The following SORBS3 variants were observed in gnomAD, a reference collection of about 807,000 sequenced individuals.
SORBS3 encodes the protein vinexin.
In SORBS3, 69 loss-of-function variants were observed where a neutral mutation model predicts 98.0. The ratio of observed to expected loss-of-function variants is 0.70; its 90% CI spans 0.58 to 0.86. The LOEUF (loss-of-function observed/expected upper bound fraction) is 0.86, where lower values mean the gene tolerates loss of function less well. SORBS3 is among the 40% of genes least tolerant of loss of function. The probability of loss-of-function intolerance (pLI) is 0.00; values close to 1 mark genes in which losing one functional copy is unlikely to be tolerated. For missense variants in SORBS3, 954 were observed against 908.5 expected (o/e 1.05, Z -0.64); for synonymous variants, 394 against 355.4 (o/e 1.11, Z -1.22).
intron 7 of SORBS3, among the ~76,000 whole-genome samples, chr8:22,562,159 T>A (rs1840310916): frequency 6.6e-6 from 1 of 152,208 alleles, no homozygotes; most frequent in African/African-American, 2.4e-5. Context: ...AGAGTGGACC[T>A]GGCACCCGCT....
rs974623859 is a variant in SORBS3, at chr8:22,574,576, C to A, written c.1955-91C>A. 1.3e-5 allele frequency: 17 copies of A among 1,314,670 alleles called. No homozygotes were observed. The African/African-American group carries it at 2.1e-4, about 16-fold the overall frequency. The allele number at this position is 1,314,670 out of a possible 1,614,324, so 81.4% of individuals were successfully genotyped here. On this transcript the variant is annotated intron_variant, in intron 20 of 20. Transcript: ENST00000240123. ...TCCCCTACAGAACTCCCCTACAGTT[C>A]TGGGCACTGCCGGCAGGGGGCAGGC...
At chr8:22,569,787 G>C (rs760274437) in intron 17 of SORBS3, among the ~76,000 whole-genome samples, 1 of 151,818 alleles carries the variant, frequency 6.6e-6, no homozygotes, top group Non-Finnish European at 1.5e-5. Context: ...TGCCCGGGCT[G>C]ACCTTGAACT....
chr8:22,554,760 CG>C lies in SORBS3; in HGVS notation c.103-100del. 1 of 1,370,898 alleles carries C rather than the reference CG, an allele frequency of 7.3e-7. No individual in the cohort carries two copies. The highest frequency in any genetic ancestry group is 1.0e-6 in the Non-Finnish European group (1 of 1,004,960). The allele number at this position is 1,370,898 out of a possible 1,614,324, so 84.9% of individuals were successfully genotyped here. ...GCTGGTTTCCCACAAAATCGTCAGGCGGGCCTGGGACTGTCACCGAGGGGTG... is the reference window on the plus strand; with the variant it reads ...GCTGGTTTCCCACAAAATCGTCAGGCGGCCTGGGACTGTCACCGAGGGGTG... On this transcript the variant is annotated intron_variant, in intron 2 of 20. Coordinates refer to ENST00000240123, the MANE Select transcript of SORBS3 (RefSeq NM_005775.5). This position sits in a 1 kb window ranked among gnomAD's most constrained non-coding sequence, Gnocchi z 6.5.
At chr8:22,565,993 G>A in intron 12 of SORBS3, 121 bp downstream of exon 12, 2 of 692,286 alleles carry the variant, frequency 2.9e-6, no homozygotes, top group Non-Finnish European at 4.0e-6. Context: ...GGAAGGAACC[G>A]CAGAGCCGTG....
rs372882876 is a variant in SORBS3, at chr8:22,565,428, G to A, written c.903+74G>A. 1.5e-3 allele frequency: 1,845 copies of A among 1,230,894 alleles called. 41 individuals are homozygous for A. The East Asian group carries it at 0.047, about 32-fold the overall frequency. The allele number at this position is 1,230,894 out of a possible 1,614,324, so 76.2% of individuals were successfully genotyped here. A position where few individuals can be genotyped will look rare whatever the true frequency, so the allele number is the denominator to read the frequency against. ...TCGGGGCGAGCCGGGAGCCTCGGCG[G>A]CTGGGCTGGGCGGAGGACGGGCAGC... On this transcript the variant is annotated intron_variant, in intron 11 of 20. Transcript: ENST00000240123.
rs1318304050 is a variant in SORBS3, at chr8:22,566,381, A to C, written c.987A>C (p.Ala329=). Reference sequence around the variant, plus strand: ...CCTGGAGCTCCAGCTACCCACATGCACCTTACCTGGGTTCCGCCCGGTCCC... The same window carrying C: ...CCTGGAGCTCCAGCTACCCACATGCCCCTTACCTGGGTTCCGCCCGGTCCC... ...ASAWSSSYPH[A]PYLGSARSLS... is the part of the protein sequence containing the mutation. The change falls in exon 13 of 21, where the codon GCA becomes GCC. Residue 329 remains alanine, a synonymous_variant. Transcript: ENST00000240123. 7 of 1,613,840 alleles carry C rather than the reference A, an allele frequency of 4.3e-6. No individual in the cohort carries two copies. The Admixed American group carries it at 1.0e-4, about 23-fold the overall frequency.
chr8:22,546,081 T>C (rs948359897), intron 1 of SORBS3, among the ~76,000 whole-genome samples: 2 of 152,206 alleles, frequency 1.3e-5, no homozygotes, highest in South Asian at 4.1e-4. Flanking sequence ...TGCTTAGAGA[T>C]TGCCTACTTT....
At position 22,561,376 on chromosome 8, in the gene SORBS3, G is replaced by A. The variant is rs1407650770; in HGVS notation, c.517+3G>A. On this transcript the variant is annotated splice_donor_region_variant and intron_variant, in intron 6 of 20. Transcript: ENST00000240123. ...GACCTTCGAGGAGCCACCCAGAGGT[G>A]AGGGGATGCGGGCCCACCTGCCTGC... The A allele has an allele frequency of 2.5e-6, 4 of 1,612,460 alleles. No homozygotes were observed. In the East Asian group the frequency reaches 6.7e-5, roughly 27 times the overall value.
At chr8:22,557,687 A>G (rs1840211822) in intron 4 of SORBS3, among the ~76,000 whole-genome samples, 1 of 151,946 alleles carries the variant, frequency 6.6e-6, no homozygotes, top group Non-Finnish European at 1.5e-5. Context: ...GTGGTGCACG[A>G]CTGTAGTTCC....
chr8:22,574,768 G>A lies in SORBS3; in HGVS notation c.*40G>A. Reference sequence around the variant, plus strand: ...AACTTGGAGCCAGCCAGGATGGGGTGGGGAGCGGTGGCACTCGTGGGAGGG... The same window carrying A: ...AACTTGGAGCCAGCCAGGATGGGGTAGGGAGCGGTGGCACTCGTGGGAGGG... On this transcript the variant is annotated 3_prime_UTR_variant, in exon 21 of 21. Coordinates refer to ENST00000240123, the MANE Select transcript of SORBS3 (RefSeq NM_005775.5). The A allele has an allele frequency of 6.3e-7, 1 of 1,593,760 alleles. No homozygotes were observed. The highest frequency in any genetic ancestry group is 1.3e-5 in the African/African-American group (1 of 74,564).
At chr8:22,570,166 G>A (rs550481782) in intron 17 of SORBS3, among the ~76,000 whole-genome samples, 139 of 152,346 alleles carry the variant, frequency 9.1e-4, no homozygotes, top group African/African-American at 3.2e-3. Context: ...ATAAGCGAAA[G>A]ACGGCCCATA....
chr8:22,552,670 G>A (rs1366243772), intron 1 of SORBS3, among the ~76,000 whole-genome samples: 1 of 152,234 alleles, frequency 6.6e-6, no homozygotes, highest in Non-Finnish European at 1.5e-5. Flanking sequence ...GGGGAGGTCA[G>A]GGAAGGAAGG....
rs1840385750 is a variant in SORBS3 at position 22,565,370 on chromosome 8, G to A, written c.903+16G>A. On this transcript the variant is annotated intron_variant, in intron 11 of 20. Coordinates refer to ENST00000240123, the MANE Select transcript of SORBS3 (RefSeq NM_005775.5). ...GTCCCCCAAGGTACCAGCCCCCAGG[G>A]TTCACCCGCGGGGCACGCCGGCGAC... 3.3e-6 allele frequency: 5 copies of A among 1,533,258 alleles called. No homozygotes were observed. Among genetic ancestry groups the A allele is most frequent in the South Asian group, 1.2e-5 (1 of 82,806 alleles). 95.0% of individuals were successfully genotyped at this position (1,533,258 alleles called of 1,614,324 possible).
chr8:22,564,679 G>A, intron 10 of SORBS3, 158 bp downstream of exon 10: 2 of 1,377,314 alleles, frequency 1.5e-6, no homozygotes, highest in Non-Finnish European at 1.9e-6. Context: ...GACAGTGGCT[G>A]GCATACAGGA....
At chr8:22,545,742 A>G (rs1289996933) in intron 1 of SORBS3, among the ~76,000 whole-genome samples, 1 of 152,234 alleles carries the variant, frequency 6.6e-6, no homozygotes, top group Non-Finnish European at 1.5e-5. Flanking sequence ...TCTTGCCCAC[A>G]TTCCTTCACT....
chr8:22,566,432 A>G lies in SORBS3; in HGVS notation c.1038A>G (p.Gly346=). 4 of 1,613,980 alleles carry G rather than the reference A, an allele frequency of 2.5e-6. No homozygotes were observed. Among genetic ancestry groups the G allele is most frequent in the Non-Finnish European group, 3.4e-6 (4 of 1,179,926 alleles). Residue 346 remains glycine (G), a synonymous_variant, in exon 13 of 21, where the codon GGA becomes GGG. Transcript: ENST00000240123. ...RSLSPHKMAD[G]GSPFLGRRDF... ...TGAGTCCCCACAAAATGGCTGATGG[A>G]GGAAGCCCCTTCCTAGGTCGGAGGG...
Position 22,566,836 on chromosome 8 carries a change from G to A in SORBS3, c.1158G>A (p.Arg386=), listed in dbSNP as rs1286762220. ...RREEKKRKAA[R]LKFDFQAQSP... is the part of the protein sequence containing the mutation. ...CCCCTGCCTAGAGAAAGGCCGCCAG[G>A]CTCAAGTTTGACTTCCAGGCGCAGT... is the stretch of plus-strand genomic sequence containing the variant. Residue 386 remains arginine (R), a synonymous_variant, in exon 15 of 21, where the codon AGG becomes AGA. Transcript: ENST00000240123. The A allele has an allele frequency of 1.2e-6, 2 of 1,613,428 alleles. No homozygotes were observed. The highest frequency in any genetic ancestry group is 1.7e-6 in the Non-Finnish European group (2 of 1,179,746).
intron 1 of SORBS3, chr8:22,545,348 G>C (rs1234892554): frequency 6.6e-6 from 1 of 152,302 alleles, no homozygotes; most frequent in Non-Finnish European, 1.5e-5. Context: ...GTAGAGAACT[G>C]TATTAACAAT....
At position 22,556,917 on chromosome 8, in the gene SORBS3, A is replaced by C; in HGVS notation, c.414+9A>C. ...CCATTGCCCCCCGATCCGTGAGTCC[A>C]GGGCTGGGGGCCACGGAGAGATGGG... On this transcript the variant is annotated intron_variant, in intron 4 of 20. Transcript: ENST00000240123. 6.2e-7 allele frequency: 1 copy of C among 1,611,804 alleles called. No individual in the cohort carries two copies.
Sources: allele counts gnomAD v4.1 joint callset (sites outside exome capture counted in the v4.1 genomes callset), GRCh38; gene constraint gnomAD v4.1.1; non-coding constraint Gnocchi (gnomAD v3.1); transcripts MANE v1.5; gene names NCBI Gene and HGNC (gene_info 2026-07-23, HGNC 2026-07-21).